The following GRID2 variants were observed in gnomAD, a reference collection of about 807,000 sequenced individuals.
The protein encoded by GRID2 is glutamate receptor ionotropic, delta-2.
GRID2 carries 33 observed loss-of-function variants against 114.8 expected under a neutral mutation model. That is an observed-to-expected ratio of 0.29 (90% CI 0.22 to 0.38). The LOEUF is 0.38. GRID2 is among the 10% of genes least tolerant of loss of function. GRID2 has a pLI of 1.00. For synonymous variants in GRID2, 505 were observed against 449.9 expected, an observed-to-expected ratio of 1.12 and a Z score of -1.55; for missense variants, 1,184 against 1,257.7, an observed-to-expected ratio of 0.94 and a Z score of 0.89.
intron 14 of GRID2, among the ~76,000 whole-genome samples, chr4:93,663,872 G>C (rs1723722635): frequency 6.6e-6 from 1 of 152,176 alleles, no homozygotes; most frequent in South Asian, 2.1e-4. Context: ...TTTAGTGTAT[G>C]CTATGTGGGA....
chr4:92,414,454 A>T (rs1008885588), intron 1 of GRID2, among the ~76,000 whole-genome samples: 1 of 152,176 alleles, frequency 6.6e-6, no homozygotes, highest in African/African-American at 2.4e-5. Context: ...ATATTACATA[A>T]ACAAAAAGAG....
chr4:92,305,245 A>C (rs1193730709), intron 1 of GRID2, among the ~76,000 whole-genome samples: 1 of 152,032 alleles, frequency 6.6e-6, no homozygotes, highest in African/African-American at 2.4e-5. Flanking sequence ...AGTTCGCCGC[A>C]GCTTAGTGCG....
chr4:93,624,391 G>A (rs867601277), intron 13 of GRID2, among the ~76,000 whole-genome samples: 23 of 152,100 alleles, frequency 1.5e-4, no homozygotes, highest in Middle Eastern at 3.4e-3. Flanking sequence ...TGGATTACTA[G>A]CAAGCATAAT....
chr4:92,690,324 G>A (rs1734125143), intron 2 of GRID2, among the ~76,000 whole-genome samples: 1 of 152,104 alleles, frequency 6.6e-6, no homozygotes. Flanking sequence ...CTGAGGAGAG[G>A]GAGAGAGACA....
At chr4:92,857,846 A>T (rs531530824) in intron 2 of GRID2, among the ~76,000 whole-genome samples, 2 of 152,220 alleles carry the variant, frequency 1.3e-5, no homozygotes, top group African/African-American at 2.4e-5. Context: ...ACCTTCAAAG[A>T]ACAGGCTGAC....
chr4:93,688,676 G>A (rs1726285866), intron 14 of GRID2, among the ~76,000 whole-genome samples: 1 of 151,986 alleles, frequency 6.6e-6, no homozygotes, highest in Non-Finnish European at 1.5e-5. Context: ...TGCATCTATG[G>A]ATGTCTAGCA....
intron 1 of GRID2, among the ~76,000 whole-genome samples, chr4:93,800,393 A>G (rs915546024): frequency 2.0e-5 from 3 of 152,218 alleles, no homozygotes; most frequent in African/African-American, 7.2e-5. Context: ...TATCTTATCA[A>G]GTTTGGATCG....
intron 1 of GRID2, among the ~76,000 whole-genome samples, chr4:92,324,207 G>A (rs1038506604): frequency 4.6e-5 from 7 of 151,918 alleles, no homozygotes; most frequent in African/African-American, 1.7e-4. Context: ...TTAGAACCCA[G>A]CAGAGTTTAC....
intron 1 of GRID2, among the ~76,000 whole-genome samples, chr4:92,446,846 C>T (rs1305976702): frequency 6.6e-6 from 1 of 152,178 alleles, no homozygotes; most frequent in Non-Finnish European, 1.5e-5. Flanking sequence ...TGATTAACAG[C>T]AGAAGTTCTC....
At chr4:93,170,524 G>C (rs1251667252) in intron 4 of GRID2, among the ~76,000 whole-genome samples, 6 of 152,156 alleles carry the variant, frequency 3.9e-5, no homozygotes, top group Non-Finnish European at 8.8e-5. Context: ...TTGAGATATA[G>C]ATAGGTTTCT....
intron 14 of GRID2, among the ~76,000 whole-genome samples, chr4:93,721,116 CTG>C (rs1380766520): frequency 6.6e-6 from 1 of 152,156 alleles, no homozygotes; most frequent in African/African-American, 2.4e-5. Flanking sequence ...TTTTCAATGA[CTG>C]AGGACAATTA....
At chr4:93,036,607 C>T (rs1464520391) in intron 2 of GRID2, among the ~76,000 whole-genome samples, 1 of 151,924 alleles carries the variant, frequency 6.6e-6, no homozygotes, top group Non-Finnish European at 1.5e-5. Context: ...GGAAGTTAGC[C>T]AATAATGTTA....
intron 2 of GRID2, among the ~76,000 whole-genome samples, chr4:92,931,603 C>G (rs1315603718): frequency 1.3e-5 from 2 of 149,508 alleles, no homozygotes; most frequent in East Asian, 3.9e-4. Flanking sequence ...AACAACTACC[C>G]AAGGCTACAA....
At chr4:93,108,843 C>T (rs1732504663) in intron 3 of GRID2, among the ~76,000 whole-genome samples, 1 of 152,016 alleles carries the variant, frequency 6.6e-6, no homozygotes, top group Non-Finnish European at 1.5e-5. Flanking sequence ...ATTGGCCAGG[C>T]TGGTCTCAAG....
At chr4:92,520,653 C>T (rs1220011559) in intron 1 of GRID2, among the ~76,000 whole-genome samples, 1 of 151,938 alleles carries the variant, frequency 6.6e-6, no homozygotes, top group Non-Finnish European at 1.5e-5. Flanking sequence ...TTTCTTACCT[C>T]CATTGGGGAG....
intron 2 of GRID2, among the ~76,000 whole-genome samples, chr4:92,737,161 G>A (rs930247592): frequency 6.6e-6 from 1 of 151,980 alleles, no homozygotes; most frequent in Non-Finnish European, 1.5e-5. Context: ...TTGCCCTATA[G>A]AATCATAAAG....
intron 11 of GRID2, among the ~76,000 whole-genome samples, chr4:93,480,245 A>G (rs557126525): frequency 3.3e-5 from 5 of 152,140 alleles, no homozygotes; most frequent in Non-Finnish European, 5.9e-5. Flanking sequence ...TGACCTGACC[A>G]TTACTACTGA....
intron 2 of GRID2, among the ~76,000 whole-genome samples, chr4:92,922,124 G>A (rs552956449): frequency 2.0e-4 from 31 of 152,270 alleles, no homozygotes; most frequent in Non-Finnish European, 3.5e-4. Flanking sequence ...GTGAGGCTCC[G>A]TGGGTGTAGG....
At chr4:92,444,129 AC>A (rs1204247098) in intron 1 of GRID2, among the ~76,000 whole-genome samples, 2 of 152,162 alleles carry the variant, frequency 1.3e-5, no homozygotes, top group African/African-American at 4.8e-5. Flanking sequence ...GATCTTTCTC[AC>A]GGAGCAAAGA....
Sources: gnomAD v4.1 joint callset for allele counts (sites outside exome capture counted in the v4.1 genomes callset) on GRCh38, gnomAD v4.1.1 for gene constraint, MANE v1.5 for transcripts, NCBI Gene and HGNC (gene_info 2026-07-23, HGNC 2026-07-21) for gene names.